The following PCDH11X variants were observed in gnomAD, a reference collection of about 807,000 sequenced individuals.
The protein encoded by PCDH11X is protocadherin-11 X-linked.
PCDH11X carries 18 observed loss-of-function variants against 53.3 expected under a neutral mutation model. The ratio of observed to expected loss-of-function variants is 0.34; its 90% CI spans 0.23 to 0.50. PCDH11X has a LOEUF of 0.50. PCDH11X is among the 20% of genes least tolerant of loss of function. The pLI is 0.98. For synonymous variants in PCDH11X, 279 were observed against 393.3 expected, an observed-to-expected ratio of 0.71 and a Z score of 3.44; for missense variants, 570 against 1,032.4, an observed-to-expected ratio of 0.55 and a Z score of 6.14.
intron 9 of PCDH11X, among the ~76,000 whole-genome samples, chrX:92,403,329 GTTTTTTTTTGTTTTTTTT>G (rs2071430147): frequency 1.7e-5 from 1 of 58,816 alleles, no homozygotes; most frequent in African/African-American, 7.8e-5. Flanking sequence ...GGGCATTTAC[GTTTTTTTTTGTTTTTTTT>G]TTTTTTTTTT....
At chrX:92,383,570 G>A (rs991631408) in intron 8 of PCDH11X, among the ~76,000 whole-genome samples, 26 of 110,739 alleles carry the variant, frequency 2.3e-4, no homozygotes, top group African/African-American at 8.5e-4. Flanking sequence ...GTGACAACAT[G>A]CAGTGTTTGG....
intron 9 of PCDH11X, among the ~76,000 whole-genome samples, chrX:92,403,974 AGCG>A (rs1238405306): frequency 9.1e-6 from 1 of 110,474 alleles, no homozygotes; most frequent in East Asian, 2.9e-4. Context: ...AAATGGTGAT[AGCG>A]GCAGAATATA....
At chrX:91,844,566 C>A (rs767188699) in intron 5 of PCDH11X, among the ~76,000 whole-genome samples, 15 of 108,569 alleles carry the variant, frequency 1.4e-4, no homozygotes, top group Non-Finnish European at 2.5e-4. Flanking sequence ...ATTTTCCTAT[C>A]CCCTTTCTAA....
At chrX:92,369,671 A>C (rs985989929) in intron 8 of PCDH11X, among the ~76,000 whole-genome samples, 6 of 111,653 alleles carry the variant, frequency 5.4e-5, no homozygotes, top group South Asian at 3.8e-4. Context: ...CCCGATCTGC[A>C]GATTGCAAAA....
intron 6 of PCDH11X, among the ~76,000 whole-genome samples, chrX:92,125,743 C>T (rs3865922): frequency 0.19 from 20,753 of 109,039 alleles, 1,639 homozygotes; most frequent in East Asian, 0.42. Flanking sequence ...TGGTGTGCTG[C>T]ACTCGTTAAC....
At chrX:92,152,313 TA>T (rs1419525216) in intron 6 of PCDH11X, among the ~76,000 whole-genome samples, 1 of 102,094 alleles carries the variant, frequency 9.8e-6, no homozygotes, top group Non-Finnish European at 2.0e-5. Context: ...TGTTTTGGTT[TA>T]TTTTTAGTAT....
chrX:92,198,284 G>A (rs183143691), intron 6 of PCDH11X, among the ~76,000 whole-genome samples: 50 of 105,039 alleles, frequency 4.8e-4, no homozygotes, highest in African/African-American at 1.7e-3. Context: ...GGTGACATGT[G>A]CCTGTAGTCT....
At chrX:92,188,207 T>C (rs1208433816) in intron 6 of PCDH11X, among the ~76,000 whole-genome samples, 1 of 111,315 alleles carries the variant, frequency 9.0e-6, no homozygotes, top group Non-Finnish European at 1.9e-5. Flanking sequence ...TCTGCATAAC[T>C]CTTTATTCTC....
At chrX:92,483,853 A>G (rs1264193998) in intron 10 of PCDH11X, among the ~76,000 whole-genome samples, 2 of 110,161 alleles carry the variant, frequency 1.8e-5, no homozygotes, top group Non-Finnish European at 3.8e-5. Context: ...CATTCATTTA[A>G]CGTAAATATG....
At chrX:92,060,511 G>T (rs901617543) in intron 6 of PCDH11X, among the ~76,000 whole-genome samples, 1 of 109,423 alleles carries the variant, frequency 9.1e-6, no homozygotes, top group African/African-American at 3.3e-5. Context: ...TAGACCCTGG[G>T]GTGTCTGTTC....
intron 6 of PCDH11X, among the ~76,000 whole-genome samples, chrX:92,092,301 C>G (rs930754484): frequency 9.0e-6 from 1 of 111,621 alleles, no homozygotes; most frequent in Non-Finnish European, 1.9e-5. Context: ...AGACACCAGC[C>G]TTACTCTAAG....
intron 10 of PCDH11X, among the ~76,000 whole-genome samples, chrX:92,576,654 A>G (rs1025823541): frequency 9.0e-6 from 1 of 110,726 alleles, no homozygotes; most frequent in Non-Finnish European, 1.9e-5. Context: ...ATAACTTAAC[A>G]CTGTTTGCAT....
chrX:92,613,920 C>G (rs935046646), intron 10 of PCDH11X, among the ~76,000 whole-genome samples: 3 of 109,598 alleles, frequency 2.7e-5, no homozygotes, highest in Non-Finnish European at 5.7e-5. Flanking sequence ...ATTTCTTCTG[C>G]TTGGTACAGT....
At chrX:91,967,066 G>C (rs375474249) in intron 6 of PCDH11X, among the ~76,000 whole-genome samples, 1 of 101,407 alleles carries the variant, frequency 9.9e-6, no homozygotes, top group East Asian at 3.2e-4. Flanking sequence ...CCACTTATGA[G>C]TAAGAACATG....
At chrX:92,250,802 T>C (rs777227197) in intron 7 of PCDH11X, among the ~76,000 whole-genome samples, 5 of 109,197 alleles carry the variant, frequency 4.6e-5, no homozygotes, top group Non-Finnish European at 9.5e-5. Context: ...GGGTAATTTA[T>C]AGAGATGGAA....
At chrX:92,452,447 A>G (rs2072805660) in intron 9 of PCDH11X, among the ~76,000 whole-genome samples, 1 of 79,182 alleles carries the variant, frequency 1.3e-5, no homozygotes, top group Non-Finnish European at 2.4e-5. Context: ...TTTGTATAAT[A>G]TAGATGTGTG....
chrX:92,148,089 T>C (rs868547855), intron 6 of PCDH11X, among the ~76,000 whole-genome samples: 7 of 18,311 alleles, frequency 3.8e-4, no homozygotes, highest in African/African-American at 1.3e-3. Context: ...TTTCTTTCTT[T>C]CTTTCTTTCT....
chrX:92,108,716 C>T (rs1419423275), intron 6 of PCDH11X, among the ~76,000 whole-genome samples: 2 of 111,461 alleles, frequency 1.8e-5, no homozygotes, highest in East Asian at 2.8e-4. Flanking sequence ...CTTTGAAATA[C>T]GAAGTGTTAA....
chrX:92,194,556 G>A (rs934370298), intron 6 of PCDH11X, among the ~76,000 whole-genome samples: 1 of 111,505 alleles, frequency 9.0e-6, no homozygotes, highest in Non-Finnish European at 1.9e-5. Flanking sequence ...ATAAGAGTAT[G>A]CATTTTTAAA....
Sources: gnomAD v4.1 joint callset for allele counts (sites outside exome capture counted in the v4.1 genomes callset) on GRCh38, gnomAD v4.1.1 for gene constraint, MANE v1.5 for transcripts, NCBI Gene and HGNC (gene_info 2026-07-23, HGNC 2026-07-21) for gene names.